The following NATD1 variants were observed in gnomAD, a reference collection of about 807,000 sequenced individuals.
NATD1 encodes protein NATD1.
A neutral mutation model predicts 12.0 loss-of-function variants in NATD1; 9 were observed. The observed-to-expected ratio is 0.75, with a 90% CI of 0.45 to 1.30. NATD1 has a LOEUF of 1.30. Among genes scored for constraint, NATD1 ranks in the 50% most tolerant of loss-of-function variants. NATD1 has a pLI of 0.00. For missense variants in NATD1, 148 were observed against 148.5 expected, an observed-to-expected ratio of 1.00 and a Z score of 0.02; for synonymous variants, 71 against 65.9, an observed-to-expected ratio of 1.08 and a Z score of -0.37.
intron 1 of NATD1, among the ~76,000 whole-genome samples, chr17:21,250,590 G>A (rs1200212413): frequency 5.3e-5 from 8 of 152,118 alleles, no homozygotes; most frequent in African/African-American, 1.9e-4. Flanking sequence ...TTCCACCTCT[G>A]TGGTGCAAGA....
At chr17:21,246,455 A>G (rs1421634029) in intron 1 of NATD1, among the ~76,000 whole-genome samples, 5 of 151,002 alleles carry the variant, frequency 3.3e-5, no homozygotes, top group African/African-American at 1.2e-4. Context: ...CAGAGGTTGC[A>G]GTGAGCTGAG....
In NATD1 at chr17:21,243,448, G is replaced by A. The variant is rs2144357847; in HGVS notation, c.226-19C>T. ...GGGCGGCCTGGGAGCCGGGCAGAGA[G>A]GAGAGTGGTCAGGGCCTGCAGCCGG... On this transcript the variant is annotated intron_variant, in intron 2 of 2. Coordinates refer to ENST00000611551, the MANE Select transcript of NATD1 (RefSeq NM_152914.3). 1.2e-6 allele frequency: 2 copies of A among 1,601,278 alleles called. No individual in the cohort carries two copies. Among genetic ancestry groups the A allele is most frequent in the African/African-American group, 1.3e-5 (1 of 74,874 alleles).
rs971780063 is a variant in NATD1, at chr17:21,240,343, G to A, written c.*2970C>T. The A allele has an allele frequency of 1.3e-5, 2 of 152,344 alleles. No individual in the cohort carries two copies. Among genetic ancestry groups the A allele is most frequent in the African/African-American group, 2.4e-5 (1 of 41,456 alleles). 9.4% of individuals were successfully genotyped at this position (152,344 alleles called of 1,614,324 possible). ...GGCTGTGCTGAGGGCTGAGCAAAAA[G>A]AGGCCAGACACCAGGGAGGGAAGCC... On this transcript the variant is annotated 3_prime_UTR_variant, in exon 3 of 3. Coordinates refer to ENST00000611551, the MANE Select transcript of NATD1 (RefSeq NM_152914.3).
Position 21,252,832 on chromosome 17 carries a change from G to A in NATD1, c.106+327C>T, listed in dbSNP as rs553418008. Reference sequence around the variant, plus strand: ...CCCCTGCGGCTGAGACAGGGGACCCGCGCTGCCCCAGCTCCTGCCTCTGCC... The same window carrying A: ...CCCCTGCGGCTGAGACAGGGGACCCACGCTGCCCCAGCTCCTGCCTCTGCC... On this transcript the variant is annotated intron_variant, in intron 1 of 2. Transcript: ENST00000611551. Among the ~76,000 whole-genome samples, 20 of 152,128 alleles carry A rather than the reference G, an allele frequency of 1.3e-4. No individual in the cohort carries two copies. In the South Asian group the frequency reaches 4.1e-3, roughly 32 times the overall value.
Position 21,244,096 on chromosome 17 carries a change from C to A in NATD1, c.225+10G>T. 6.2e-7 allele frequency: 1 copy of A among 1,605,862 alleles called. No homozygotes were observed. Among genetic ancestry groups the A allele is most frequent in the Non-Finnish European group, 8.5e-7 (1 of 1,175,760 alleles). ...CGTCCCCGCTTGGCCCTGCCACCTGCCTGCCCTACCTTGGCAAGGTGCTTG... is the reference window on the plus strand; with the variant it reads ...CGTCCCCGCTTGGCCCTGCCACCTGACTGCCCTACCTTGGCAAGGTGCTTG... On this transcript the variant is annotated intron_variant, in intron 2 of 2. Coordinates refer to ENST00000611551, the MANE Select transcript of NATD1 (RefSeq NM_152914.3). This position sits in a 1 kb window ranked among gnomAD's most constrained non-coding sequence, Gnocchi z 5.2.
intron 1 of NATD1, among the ~76,000 whole-genome samples, chr17:21,249,806 G>A (rs529494733): frequency 4.6e-5 from 7 of 152,300 alleles, no homozygotes; most frequent in Non-Finnish European, 8.8e-5. Context: ...GAGGCCGGGG[G>A]CTTGATTCTG....
intron 1 of NATD1, among the ~76,000 whole-genome samples, chr17:21,249,998 C>G (rs1352094427): frequency 6.6e-6 from 1 of 152,228 alleles, no homozygotes; most frequent in Non-Finnish European, 1.5e-5. Context: ...GTTTCTCCCA[C>G]GCCTGTTTGC....
At chr17:21,246,578 T>C (rs980273562) in intron 1 of NATD1, among the ~76,000 whole-genome samples, 2 of 151,488 alleles carry the variant, frequency 1.3e-5, no homozygotes, top group Non-Finnish European at 2.9e-5. Flanking sequence ...TCCCGGCTAT[T>C]TGGGAGGCTG....
In NATD1 at chr17:21,243,370, G is replaced by C; in HGVS notation, c.285C>G (p.Ile95Met). ...DLKAHLTCWYIQKYVKENPLP... is the reference protein window; with the variant it reads ...DLKAHLTCWYMQKYVKENPLP... ...GGGGGTTCTCCTTGACGTACTTCTGGATGTACCAGCAGGTGAGATGGGCCT... is the reference window on the plus strand; with the variant it reads ...GGGGGTTCTCCTTGACGTACTTCTGCATGTACCAGCAGGTGAGATGGGCCT... Residue 95 changes from isoleucine (I) to methionine (M), a missense_variant, in exon 3 of 3, where the codon ATC (isoleucine) becomes ATG (methionine). Transcript: ENST00000611551. The C allele has an allele frequency of 6.2e-7, 1 of 1,613,534 alleles. No homozygotes were observed. Among genetic ancestry groups the C allele is most frequent in the South Asian group, 1.1e-5 (1 of 91,088 alleles).
In NATD1 at chr17:21,244,281, C is replaced by A; in HGVS notation, c.107-57G>T. 1.3e-6 allele frequency: 2 copies of A among 1,492,738 alleles called. No individual in the cohort carries two copies. Among genetic ancestry groups the A allele is most frequent in the Non-Finnish European group, 1.8e-6 (2 of 1,089,946 alleles). 92.5% of individuals were successfully genotyped at this position (1,492,738 alleles called of 1,614,324 possible). On this transcript the variant is annotated intron_variant, in intron 1 of 2. Transcript: ENST00000611551. The surrounding 1 kb of genome is among the most constrained non-coding windows in gnomAD (Gnocchi z 5.2). The stretch of plus-strand genomic sequence containing the variant: ...TGACTCCCATCCCAGCGGACTCAGG[C>A]ACCAAGACGGGTGGAGGGACAGGCA...
At position 21,240,794 on chromosome 17, in the gene NATD1, AG is replaced by A. The variant is rs1975263171; in HGVS notation, c.*2518del. 6.5e-6 allele frequency: 1 copy of A among 152,844 alleles called. No homozygotes were observed. The highest frequency in any genetic ancestry group is 6.5e-5 in the Admixed American group (1 of 15,288). The allele number at this position is 152,844 out of a possible 1,614,324, so 9.5% of individuals were successfully genotyped here. ...ACAGGAGGGGTGAGGCTAGGCTGCC[AG>A]GCAGACAGGGTAGCACCAGATGGGA... On this transcript the variant is annotated 3_prime_UTR_variant, in exon 3 of 3. Transcript: ENST00000611551.
At chr17:21,247,568 C>T (rs1208448998) in intron 1 of NATD1, among the ~76,000 whole-genome samples, 1 of 152,164 alleles carries the variant, frequency 6.6e-6, no homozygotes, top group Non-Finnish European at 1.5e-5. Context: ...GTGATCATCC[C>T]GGGACAGGTC....
chr17:21,243,292 G>C lies in NATD1; in HGVS notation c.*21C>G. 6.3e-7 allele frequency: 1 copy of C among 1,599,852 alleles called. No homozygotes were observed. The highest frequency in any genetic ancestry group is 8.5e-7 in the Non-Finnish European group (1 of 1,172,136). ...CACGTGGAAGAGTCCGGCAGGGAGCGCTCCCGCCTGCAGGCCAGGGTTACG... is the reference window on the plus strand; with the variant it reads ...CACGTGGAAGAGTCCGGCAGGGAGCCCTCCCGCCTGCAGGCCAGGGTTACG... On this transcript the variant is annotated 3_prime_UTR_variant, in exon 3 of 3. Transcript: ENST00000611551.
chr17:21,246,514 CA>C (rs1051874015), intron 1 of NATD1, among the ~76,000 whole-genome samples: 21 of 86,416 alleles, frequency 2.4e-4, no homozygotes, highest in East Asian at 6.6e-4. Context: ...AACTCCATCT[CA>C]AAAAAAAAAG....
rs74425330 is a variant in NATD1, at chr17:21,244,498, G to A, written c.107-274C>T. On this transcript the variant is annotated intron_variant, in intron 1 of 2. Transcript: ENST00000611551. The surrounding 1 kb of genome is among the most constrained non-coding windows in gnomAD (Gnocchi z 5.2). ...GCCCCACATGAACCTTTGCTACTGC[G>A]TCAGTCCTAGCATCCCAGGGCCCTG... is the stretch of plus-strand genomic sequence containing the variant. 2.6e-5 allele frequency among the ~76,000 whole-genome samples: 4 copies of A among 152,122 alleles called. No homozygotes were observed. Among genetic ancestry groups the A allele is most frequent in the East Asian group, 3.9e-4 (2 of 5,170 alleles).
chr17:21,244,313 G>A lies in NATD1; in HGVS notation c.107-89C>T. The A allele has an allele frequency of 7.2e-6, 8 of 1,106,746 alleles. No homozygotes were observed. In the South Asian group the frequency reaches 1.1e-4, roughly 15 times the overall value. 68.6% of individuals were successfully genotyped at this position (1,106,746 alleles called of 1,614,324 possible). A position where few individuals can be genotyped will look rare whatever the true frequency, so the allele number is the denominator to read the frequency against. On this transcript the variant is annotated intron_variant, in intron 1 of 2. Coordinates refer to ENST00000611551, the MANE Select transcript of NATD1 (RefSeq NM_152914.3). This position sits in a 1 kb window ranked among gnomAD's most constrained non-coding sequence, Gnocchi z 5.2. ...ACGGGTGGAGGGACAGGCATTTGGA[G>A]TCATTCAGCTGCTACAGCTGAATCC... is the stretch of plus-strand genomic sequence containing the variant.
Position 21,252,912 on chromosome 17 carries a change from G to T in NATD1, c.106+247C>A, listed in dbSNP as rs539315078. On this transcript the variant is annotated intron_variant, in intron 1 of 2. Coordinates refer to ENST00000611551, the MANE Select transcript of NATD1 (RefSeq NM_152914.3). ...CTGCTCTCCCGGGAAGTCTGCCCCC[G>T]CCCAGCCCGTTCCACTTCCCGGAGC... Among the ~76,000 whole-genome samples, 974 of 151,862 alleles carry T rather than the reference G, an allele frequency of 6.4e-3. 14 individuals carry two copies. Among genetic ancestry groups the T allele is most frequent in the African/African-American group, 0.021 (859 of 41,502 alleles).
rs1975249478 is a variant in NATD1 at position 21,239,781 on chromosome 17, T to C, written c.*3532A>G. The C allele has an allele frequency of 6.6e-6, 1 of 151,926 alleles. No individual in the cohort carries two copies. The highest frequency in any genetic ancestry group is 1.5e-5 in the Non-Finnish European group (1 of 67,984). 9.4% of individuals were successfully genotyped at this position (151,926 alleles called of 1,614,324 possible). A position where few individuals can be genotyped will look rare whatever the true frequency, so the allele number is the denominator to read the frequency against. ...TCCAGCCTGGGCGACAGAGCAAGAC[T>C]CCCATCTCAAAAAAAAGATTGCAAC... On this transcript the variant is annotated 3_prime_UTR_variant, in exon 3 of 3. Coordinates refer to ENST00000611551, the MANE Select transcript of NATD1 (RefSeq NM_152914.3).
At chr17:21,250,736 T>G (rs1255800614) in intron 1 of NATD1, among the ~76,000 whole-genome samples, 2 of 152,170 alleles carry the variant, frequency 1.3e-5, no homozygotes, top group Non-Finnish European at 2.9e-5. Context: ...TAGAACACTG[T>G]AAATGCTTAA....
Sources: allele counts gnomAD v4.1 joint callset (sites outside exome capture counted in the v4.1 genomes callset), GRCh38; gene constraint gnomAD v4.1.1; non-coding constraint Gnocchi (gnomAD v3.1); transcripts MANE v1.5; gene names NCBI Gene and HGNC (gene_info 2026-07-23, HGNC 2026-07-21).